Variants in ZNF106 observed in about 807,000 individuals in gnomAD.
The protein encoded by ZNF106 is SH3-domain binding protein 3.
Under a neutral mutation model 195.1 loss-of-function variants are expected in ZNF106, and 67 were observed. The ratio of observed to expected loss-of-function variants is 0.34; its 90% CI spans 0.28 to 0.42. ZNF106 has a LOEUF of 0.42. Among genes scored for constraint, ZNF106 ranks in the 10% least tolerant of loss-of-function variants. ZNF106 has a pLI of 1.00. For synonymous variants in ZNF106, 784 were observed against 818.6 expected, an observed-to-expected ratio of 0.96 and a Z score of 0.72; for missense variants, 2,118 against 2,304.5, an observed-to-expected ratio of 0.92 and a Z score of 1.66.
intron 1 of ZNF106, among the ~76,000 whole-genome samples, chr15:42,486,668 G>A (rs1460969702): frequency 6.6e-6 from 1 of 152,118 alleles, no homozygotes; most frequent in South Asian, 2.1e-4. Context: ...CCAGAAATAT[G>A]CCATAGGAAC....
Position 42,448,505 on chromosome 15 carries a change from C to A in ZNF106, c.2702G>T (p.Ser901Ile). Reference protein sequence around the residue: ...DRAPSVYSFFSEEGTGKENEP... With the variant: ...DRAPSVYSFFIEEGTGKENEP... ...ATTTTCTTTGCCTGTACCTTCCTCA[C>A]TGAAGAAGCTATACACAGAAGGAGC... Residue 901 changes from serine to isoleucine, a missense_variant, in exon 6 of 22, where the codon AGT (serine) becomes ATT (isoleucine). Transcript: ENST00000564754. 1 of 1,614,096 alleles carries A rather than the reference C, an allele frequency of 6.2e-7. No homozygotes were observed. Among genetic ancestry groups the A allele is most frequent in the South Asian group, 1.1e-5 (1 of 91,084 alleles).
chr15:42,484,343 A>G (rs1433695610), intron 1 of ZNF106, among the ~76,000 whole-genome samples: 1 of 152,264 alleles, frequency 6.6e-6, no homozygotes, highest in African/African-American at 2.4e-5. Context: ...AAAGTGAGTT[A>G]TAAAGTAACA....
rs1423298152 is a variant in ZNF106 at position 42,451,200 on chromosome 15, T to G, written c.1072A>C (p.Ser358Arg). 4 of 1,614,108 alleles carry G rather than the reference T, an allele frequency of 2.5e-6. No homozygotes were observed. In the South Asian group the frequency reaches 3.3e-5, roughly 13 times the overall value. ...KQADTATSKVSGKNGSAAREK... is the reference protein window; with the variant it reads ...KQADTATSKVRGKNGSAAREK... ...CTTGCCGCACTGCCATTCTTTCCAC[T>G]AACTTTGGAAGTAGCAGTGTCTGCT... Residue 358 changes from serine (S) to arginine (R), a missense_variant, in exon 5 of 22, where the codon AGT becomes CGT. Physicochemically the swap from Ser to Arg is moderately radical, Grantham distance 110. Coordinates refer to ENST00000564754, the MANE Select transcript of ZNF106 (RefSeq NM_001366845.3).
chr15:42,423,370 CA>C (rs113979691), intron 17 of ZNF106, among the ~76,000 whole-genome samples: 394 of 134,780 alleles, frequency 2.9e-3, no homozygotes, highest in Middle Eastern at 7.5e-3. Flanking sequence ...ACCCCTATCT[CA>C]AAAAAAAAAA....
chr15:42,437,603 A>G (rs1039386231), intron 12 of ZNF106, among the ~76,000 whole-genome samples: 4 of 152,174 alleles, frequency 2.6e-5, no homozygotes, highest in Non-Finnish European at 5.9e-5. Context: ...AAAAAGATAG[A>G]TAATTATATA....
At chr15:42,429,024 C>T (rs915023619) in intron 14 of ZNF106, among the ~76,000 whole-genome samples, 5 of 151,642 alleles carry the variant, frequency 3.3e-5, no homozygotes, top group African/African-American at 9.7e-5. Context: ...CTCGGCCTCC[C>T]TTACATGCAT....
chr15:42,424,016 G>A lies in ZNF106; in HGVS notation c.5235C>T (p.Val1745=). The A allele has an allele frequency of 6.2e-7, 1 of 1,612,850 alleles. No homozygotes were observed. Among genetic ancestry groups the A allele is most frequent in the Non-Finnish European group, 8.5e-7 (1 of 1,179,710 alleles). The part of the protein sequence containing the change: ...LVFSGSSDQS[V]HAHNIHTGEL... ...AGCTTACGTGAATGTTGTGAGCATG[G>A]ACTGACTGATCACTGGAGCCACTGA... The change falls in exon 17 of 22, where the codon GTC becomes GTT. Residue 1745 remains valine (V), a synonymous_variant. Coordinates refer to ENST00000564754, the MANE Select transcript of ZNF106 (RefSeq NM_001366845.3).
intron 2 of ZNF106, among the ~76,000 whole-genome samples, chr15:42,468,068 CT>C (rs200457966): frequency 1.6e-3 from 162 of 102,120 alleles, no homozygotes; most frequent in East Asian, 9.8e-3. Flanking sequence ...TTCAAAACGC[CT>C]TTTTTTTTTT....
At position 42,439,104 on chromosome 15, in the gene ZNF106, A is replaced by T. The variant is rs754377787; in HGVS notation, c.4473T>A (p.Ser1491=). The T allele has an allele frequency of 7.4e-6, 12 of 1,614,162 alleles. No homozygotes were observed. The South Asian group carries it at 1.3e-4, about 18-fold the overall frequency. The change falls in exon 11 of 22, where the codon TCT becomes TCA. Residue 1491 remains serine, a synonymous_variant. Coordinates refer to ENST00000564754, the MANE Select transcript of ZNF106 (RefSeq NM_001366845.3). Reference sequence around the variant, plus strand: ...AGCTAACTTCATCACACCCAGAACGAGACGTTTCTAGTGGGTTTTGCTCTG... The same window carrying T: ...AGCTAACTTCATCACACCCAGAACGTGACGTTTCTAGTGGGTTTTGCTCTG... ...NSTEQNPLET[S]RSGCDEVSST...
chr15:42,442,281 A>T lies in ZNF106; in HGVS notation c.3555T>A (p.Pro1185=), dbSNP rs753121026. The T allele has an allele frequency of 9.3e-6, 15 of 1,614,150 alleles. 1 individual carries two copies. Among genetic ancestry groups the T allele is most frequent in the Non-Finnish European group, 1.3e-5 (15 of 1,180,036 alleles). ...GTGATGGAGACACATGGGAAGATGG[A>T]GGCTCCAGAAAAAGTGGGAAAAAGG... ...PTPFFPLFLE[P]PSSHVSPSPT... is the part of the protein sequence containing the mutation. Residue 1185 remains proline, a synonymous_variant, in exon 10 of 22, where the codon CCT becomes CCA. Transcript: ENST00000564754.
chr15:42,470,059 T>C (rs1234137095), intron 2 of ZNF106, among the ~76,000 whole-genome samples: 6 of 151,940 alleles, frequency 3.9e-5, no homozygotes, highest in Admixed American at 3.9e-4. Flanking sequence ...GTGGAAAACA[T>C]TGAATAATAC....
intron 1 of ZNF106, among the ~76,000 whole-genome samples, chr15:42,489,356 T>C (rs1356210239): frequency 6.6e-6 from 1 of 151,974 alleles, no homozygotes; most frequent in East Asian, 2.0e-4. Context: ...TTTGTATTTC[T>C]AGTAGAGACG....
chr15:42,443,919 C>A (rs1300299012), intron 9 of ZNF106, among the ~76,000 whole-genome samples: 1 of 151,764 alleles, frequency 6.6e-6, no homozygotes, highest in African/African-American at 2.4e-5. Context: ...CCAGTCTGGC[C>A]AACATGGCGA....
intron 14 of ZNF106, among the ~76,000 whole-genome samples, chr15:42,433,962 C>CTG (rs2055167144): frequency 6.6e-6 from 1 of 152,110 alleles, no homozygotes; most frequent in African/African-American, 2.4e-5. Context: ...GATCCTCCCA[C>CTG]CTCAGCCTCC....
In ZNF106 at chr15:42,458,332, G is replaced by A. The variant is rs546670043; in HGVS notation, c.117-1174C>T. ...ACATAGGCAGAATTTACATCAACCA[G>A]AAGAGACCCTCAAAACTGGGCACTT... is the stretch of plus-strand genomic sequence containing the variant. On this transcript the variant is annotated intron_variant, in intron 3 of 21. Transcript: ENST00000564754. Among the ~76,000 whole-genome samples the A allele has an allele frequency of 7.8e-4, 116 of 149,348 alleles. 1 individual carries two copies. Among genetic ancestry groups the A allele is most frequent in the African/African-American group, 2.6e-3 (107 of 40,504 alleles).
intron 2 of ZNF106, 53 bp from the exon 3 acceptor site, chr15:42,466,167 A>C: frequency 7.0e-7 from 1 of 1,429,538 alleles, no homozygotes; most frequent in Non-Finnish European, 9.2e-7. Flanking sequence ...TTTGAAAAAA[A>C]AAAACTCCTC....
rs114581187 is a variant in ZNF106, at chr15:42,424,185, T to C, written c.5191-125A>G. 2.3e-3 allele frequency: 1,772 copies of C among 761,370 alleles called. 26 individuals carry two copies. In the African/African-American group the frequency reaches 0.029, roughly 12 times the overall value. 47.2% of individuals were successfully genotyped at this position (761,370 alleles called of 1,614,324 possible). On this transcript the variant is annotated intron_variant, in intron 16 of 21. Coordinates refer to ENST00000564754, the MANE Select transcript of ZNF106 (RefSeq NM_001366845.3). ...TGAGATGAGCACGATGAACTAGGTATAAAAGTTTCTCAGATGAATTTTCTC... is the reference window on the plus strand; with the variant it reads ...TGAGATGAGCACGATGAACTAGGTACAAAAGTTTCTCAGATGAATTTTCTC...
intron 3 of ZNF106, among the ~76,000 whole-genome samples, chr15:42,458,672 C>G (rs2056307726): frequency 6.6e-6 from 1 of 151,292 alleles, no homozygotes; most frequent in Non-Finnish European, 1.5e-5. Context: ...TACACCACTG[C>G]ACTCCAGCCT....
chr15:42,442,852 C>T (rs375480450), intron 9 of ZNF106, among the ~76,000 whole-genome samples: 14 of 151,812 alleles, frequency 9.2e-5, no homozygotes, highest in African/African-American at 2.4e-4. Flanking sequence ...GGCGCAATCT[C>T]GGCTCACTGC....
Sources: allele counts gnomAD v4.1 joint callset (sites outside exome capture counted in the v4.1 genomes callset), GRCh38; gene constraint gnomAD v4.1.1; transcripts MANE v1.5; gene names NCBI Gene and HGNC (gene_info 2026-07-23, HGNC 2026-07-21).